COX15: variants seen among roughly 807,000 people sequenced by gnomAD.
The protein encoded by COX15 is cytochrome c oxidase assembly factor COX15, also known as heme A synthase COX15.
A neutral mutation model predicts 51.9 loss-of-function variants in COX15; 51 were observed. The ratio of observed to expected loss-of-function variants is 0.98; its 90% confidence interval spans 0.78 to 1.24. The LOEUF (loss-of-function observed/expected upper bound fraction) is 1.24, where lower values mean the gene tolerates loss of function less well. COX15 is among the 50% of genes most tolerant of loss of function. The pLI, the probability that COX15 is intolerant of heterozygous loss-of-function variation, is 0.00. For synonymous variants in COX15, 188 were observed against 190.5 expected, an observed-to-expected ratio of 0.99 and a Z score of 0.11; for missense variants, 420 against 501.1, an observed-to-expected ratio of 0.84 and a Z score of 1.55.
the COX15 span, chr10:99,698,934 G>C: frequency 1.4e-5 from 19 of 1,356,234 alleles, no homozygotes; most frequent in Non-Finnish European, 1.7e-5. Flanking sequence ...GCCAGGTGCT[G>C]TGCAAAGGGC....
chr10:99,704,561 A>G, the COX15 span: 2 of 1,614,108 alleles, frequency 1.2e-6, no homozygotes, highest in Non-Finnish European at 8.5e-7. Flanking sequence ...GCTACTGGCC[A>G]TCTTCCTATA....
chr10:99,726,731 C>T (rs576388764), intron 4 of COX15, among the ~76,000 whole-genome samples: 4 of 151,970 alleles, frequency 2.6e-5, no homozygotes, highest in Middle Eastern at 3.4e-3. Context: ...ACTAAAAATA[C>T]AAAAAATTAG....
the COX15 span, chr10:99,701,151 T>A: frequency 1.8e-6 from 2 of 1,118,530 alleles, no homozygotes; most frequent in Non-Finnish European, 2.7e-6. Context: ...TTAGATTTCA[T>A]GTTGAGGGAG....
In COX15 at chr10:99,711,882, T is replaced by TATGCAGAACAGTGA; in HGVS notation, c.*2704_*2705insTCACTGTTCTGCAT. ...AAGAGGTTTATTTGGCTCACTGTTC[T>TATGCAGAACAGTGA]GCATAGAACTGTATAGGAAGCATGG... On this transcript the variant is annotated 3_prime_UTR_variant, in exon 9 of 9. Coordinates refer to ENST00000016171, the MANE Select transcript of COX15 (RefSeq NM_078470.6). 6.4e-6 allele frequency: 6 copies of TATGCAGAACAGTGA among 936,290 alleles called. No individual in the cohort carries two copies. Among genetic ancestry groups the TATGCAGAACAGTGA allele is most frequent in the South Asian group, 4.9e-5 (1 of 20,352 alleles). 58.0% of individuals were successfully genotyped at this position (936,290 alleles called of 1,614,324 possible).
At chr10:99,695,878 C>T in the COX15 span, 8 of 1,346,370 alleles carry the variant, frequency 5.9e-6, no homozygotes, top group African/African-American at 2.9e-5. Flanking sequence ...AATGAAGCCT[C>T]GTGTATTAGC....
At chr10:99,699,957 T>C in the COX15 span, among the ~76,000 whole-genome samples, 4 of 151,948 alleles carry the variant, frequency 2.6e-5, no homozygotes, top group African/African-American at 9.7e-5. Context: ...GTTCTCTTAG[T>C]GTAAGGCTTC....
In COX15 at chr10:99,729,514, T is replaced by G. The variant is rs781521324; in HGVS notation, c.272+39A>C. On this transcript the variant is annotated intron_variant, in intron 2 of 8. Coordinates refer to ENST00000016171, the MANE Select transcript of COX15 (RefSeq NM_078470.6). ...CTCAGTCAACCTGTGCTTCTACTGA[T>G]GATCCAAATACCTGACTCACTACGA... The G allele has an allele frequency of 1.6e-5, 26 of 1,581,204 alleles. 1 individual carries two copies. The highest frequency in any genetic ancestry group is 2.2e-5 in the Non-Finnish European group (25 of 1,156,016).
chr10:99,722,265 T>C (rs552685920), intron 5 of COX15, among the ~76,000 whole-genome samples: 5 of 152,342 alleles, frequency 3.3e-5, no homozygotes, highest in Non-Finnish European at 5.9e-5. Flanking sequence ...AAATCCTTTT[T>C]GTAATTAGGT....
chr10:99,731,827 G>T, intron 1 of COX15, 133 bp downstream of exon 1: 2 of 1,166,456 alleles, frequency 1.7e-6, no homozygotes, highest in Non-Finnish European at 2.5e-6. Flanking sequence ...TAGGGGCTCT[G>T]ATCTGAACCT....
chr10:99,726,492 C>T (rs2036953325), intron 4 of COX15, among the ~76,000 whole-genome samples: 1 of 152,194 alleles, frequency 6.6e-6, no homozygotes, highest in Middle Eastern at 3.4e-3. Context: ...GGTAATTTAC[C>T]CTAAGTGTCA....
In COX15 at chr10:99,712,607, A is replaced by G. The variant is rs901361847; in HGVS notation, c.*1980T>C. The G allele has an allele frequency of 8.1e-6, 8 of 984,038 alleles. No homozygotes were observed. The African/African-American group carries it at 1.4e-4, about 17-fold the overall frequency. 61.0% of individuals were successfully genotyped at this position (984,038 alleles called of 1,614,324 possible). On this transcript the variant is annotated 3_prime_UTR_variant, in exon 9 of 9. Transcript: ENST00000016171. Reference sequence around the variant, plus strand: ...GGTATATCCAAGGAAAAATAAACTTAAGATAAGCTTATTTTCCTTATTTCA... The same window carrying G: ...GGTATATCCAAGGAAAAATAAACTTGAGATAAGCTTATTTTCCTTATTTCA...
At chr10:99,727,646 C>G in intron 2 of COX15, 83 bp from the exon 3 acceptor site, 1 of 1,471,136 alleles carries the variant, frequency 6.8e-7, no homozygotes, top group South Asian at 1.1e-5. Context: ...TGGATCTGAA[C>G]TTAACCTTGT....
At chr10:99,702,484 T>G in the COX15 span, 1 of 1,509,440 alleles carries the variant, frequency 6.6e-7, no homozygotes, top group South Asian at 1.3e-5. Context: ...TTCTCTTTTT[T>G]TAAAATTTAA....
downstream of COX15, chr10:99,708,942 C>T: frequency 1.0e-6 from 1 of 985,446 alleles, no homozygotes; most frequent in Non-Finnish European, 1.2e-6. Flanking sequence ...ATCTTTACAA[C>T]TGCTTCTGAC....
At chr10:99,704,675 G>A in the COX15 span, 2 of 1,613,168 alleles carry the variant, frequency 1.2e-6, no homozygotes, top group Non-Finnish European at 1.7e-6. Flanking sequence ...AGTACAGGTG[G>A]GGCCGTGAGG....
chr10:99,699,544 A>G, the COX15 span, among the ~76,000 whole-genome samples: 1 of 152,158 alleles, frequency 6.6e-6, no homozygotes, highest in Non-Finnish European at 1.5e-5. Context: ...CATCAGAGAA[A>G]CGAATGGGAG....
the COX15 span, among the ~76,000 whole-genome samples, chr10:99,697,077 C>G: frequency 1.3e-5 from 2 of 152,200 alleles, no homozygotes; most frequent in African/African-American, 4.8e-5. Context: ...AATAATTTAT[C>G]CACAGCAATC....
chr10:99,722,148 G>C (rs2036795886), intron 5 of COX15, among the ~76,000 whole-genome samples: 1 of 152,170 alleles, frequency 6.6e-6, no homozygotes, highest in African/African-American at 2.4e-5. Context: ...TTACAGGTGT[G>C]AGCCACCGTG....
In COX15 at chr10:99,714,396, T is replaced by G. The variant is rs1406133791; in HGVS notation, c.*191A>C. ...TGAAAAGCAGATTTAAAAGGGAACA[T>G]TTAGGGTAACCACACTTAATGCATT... is the stretch of plus-strand genomic sequence containing the variant. On this transcript the variant is annotated 3_prime_UTR_variant, in exon 9 of 9. Transcript: ENST00000016171. 2 of 1,427,412 alleles carry G rather than the reference T, an allele frequency of 1.4e-6. No homozygotes were observed. Among genetic ancestry groups the G allele is most frequent in the African/African-American group, 2.9e-5 (2 of 69,662 alleles). 88.4% of individuals were successfully genotyped at this position (1,427,412 alleles called of 1,614,324 possible).
Sources: gnomAD v4.1 joint callset for allele counts (sites outside exome capture counted in the v4.1 genomes callset) on GRCh38, gnomAD v4.1.1 for gene constraint, MANE v1.5 for transcripts, NCBI Gene and HGNC (gene_info 2026-07-23, HGNC 2026-07-21) for gene names.